Variants in FAM107A observed in about 807,000 individuals in gnomAD.
The protein encoded by FAM107A is actin-associated protein FAM107A.
Under a neutral mutation model 13.7 loss-of-function variants are expected in FAM107A, and 19 were observed. The observed-to-expected ratio is 1.38, with a 90% confidence interval of 0.97 to 2.03. FAM107A has a LOEUF of 2.03. Ranked by LOEUF, FAM107A falls within the 30% of genes most tolerant of loss-of-function variation. FAM107A has a pLI of 0.00. For synonymous variants in FAM107A, 82 were observed against 74.5 expected (o/e 1.10, Z -0.52); for missense variants, 203 against 184.4 (o/e 1.10, Z -0.58).
In FAM107A at chr3:58,626,003, C is replaced by T. The variant is rs531750680; in HGVS notation, c.-70+1413G>A. Among the ~76,000 whole-genome samples, 24 of 152,278 alleles carry T rather than the reference C, an allele frequency of 1.6e-4. No individual in the cohort carries two copies. In the South Asian group the frequency reaches 5.0e-3, roughly 32 times the overall value. On this transcript the variant is annotated intron_variant, in intron 1 of 3. Transcript: ENST00000465970. The stretch of plus-strand genomic sequence containing the variant: ...ACAGGCATCATCTTGTTGAACTTCC[C>T]ACGAAGCAGGTACCAGCCCCCCTTT...
intron 1 of FAM107A, among the ~76,000 whole-genome samples, chr3:58,611,156 C>T (rs1223880605): frequency 2.6e-5 from 4 of 152,246 alleles, no homozygotes; most frequent in Non-Finnish European, 5.9e-5. Flanking sequence ...CCTCCCCAGC[C>T]ATATGGAACT....
intron 1 of FAM107A, among the ~76,000 whole-genome samples, chr3:58,593,042 T>C (rs1440055662): frequency 6.6e-6 from 1 of 152,130 alleles, no homozygotes; most frequent in Non-Finnish European, 1.5e-5. Flanking sequence ...ACAACCTCGG[T>C]GGACCGGACC....
At chr3:58,578,610 A>G (rs1464436115), upstream of FAM107A, among the ~76,000 whole-genome samples, 2 of 152,190 alleles carry the variant, frequency 1.3e-5, no homozygotes, top group East Asian at 3.9e-4. Flanking sequence ...CAAGAAAAGT[A>G]AAAAATGTAT....
upstream of FAM107A, among the ~76,000 whole-genome samples, chr3:58,591,400 C>T (rs765341605): frequency 1.2e-4 from 18 of 152,080 alleles, no homozygotes; most frequent in Admixed American, 7.2e-4. The surrounding 1 kb of genome is among the most constrained non-coding windows in gnomAD (Gnocchi z 4.3). Context: ...GGGCTGTGCC[C>T]GGCATATTCA....
At chr3:58,606,746 A>T (rs1335240799) in intron 1 of FAM107A, among the ~76,000 whole-genome samples, 1 of 152,236 alleles carries the variant, frequency 6.6e-6, no homozygotes, top group Non-Finnish European at 1.5e-5. Context: ...TTTCTATCTG[A>T]ATTCCAGCCC....
chr3:58,620,406 C>G (rs775306988), intron 1 of FAM107A, among the ~76,000 whole-genome samples: 1 of 152,178 alleles, frequency 6.6e-6, no homozygotes, highest in Non-Finnish European at 1.5e-5. Context: ...ACAAGCTTGC[C>G]CTGTTCTTGT....
chr3:58,584,754 G>A (rs191641651), intron 1 of FAM107A, among the ~76,000 whole-genome samples: 1 of 152,260 alleles, frequency 6.6e-6, no homozygotes, highest in East Asian at 1.9e-4. Context: ...CCCAGTAAAT[G>A]ACTATATAAC....
At chr3:58,572,185 T>C (rs2063690773) in intron 1 of FAM107A, among the ~76,000 whole-genome samples, 1 of 151,866 alleles carries the variant, frequency 6.6e-6, no homozygotes. Flanking sequence ...ATTCCACACA[T>C]GTTCGAGTTC....
upstream of FAM107A, among the ~76,000 whole-genome samples, chr3:58,578,450 C>T (rs1009917193): frequency 2.0e-5 from 3 of 151,604 alleles, no homozygotes; most frequent in Admixed American, 6.6e-5. Context: ...CACCTGTAAT[C>T]CCAGCTACCT....
Position 58,566,642 on chromosome 3 carries a change from G to C in FAM107A, c.381C>G (p.Val127=), listed in dbSNP as rs372110203. The C allele has an allele frequency of 3.3e-4, 527 of 1,614,038 alleles. No individual in the cohort carries two copies. Among genetic ancestry groups the C allele is most frequent in the Admixed American group, 1.2e-3 (71 of 60,012 alleles). Residue 127 remains valine, a synonymous_variant, in exon 4 of 4, where the codon GTC becomes GTG. Transcript: ENST00000360997. Reference sequence around the variant, plus strand: ...TGGCAATTCTCCGCAGGTTTTCCCTGACTTTAATAAACTCGGGGGCGTGAT... The same window carrying C: ...TGGCAATTCTCCGCAGGTTTTCCCTCACTTTAATAAACTCGGGGGCGTGAT... ...EEDHAPEFIK[V]RENLRRIATL...
chr3:58,597,329 GGGGACACATTCA>G (rs1166399578), intron 1 of FAM107A, among the ~76,000 whole-genome samples: 2 of 152,164 alleles, frequency 1.3e-5, no homozygotes, highest in Non-Finnish European at 2.9e-5. Flanking sequence ...ATAGATTTTT[GGGGACACATTCA>G]GGTCACTCCC....
chr3:58,602,583 T>C (rs920498099), intron 1 of FAM107A, among the ~76,000 whole-genome samples: 1 of 152,236 alleles, frequency 6.6e-6, no homozygotes, highest in Non-Finnish European at 1.5e-5. Flanking sequence ...ATTGATTAAA[T>C]TGTACTATTT....
chr3:58,611,912 T>C (rs2065858450), intron 1 of FAM107A, among the ~76,000 whole-genome samples: 1 of 152,218 alleles, frequency 6.6e-6, no homozygotes, highest in Non-Finnish European at 1.5e-5. Flanking sequence ...CAAACTGCTC[T>C]GGGTGAGAAT....
At chr3:58,590,324 C>T (rs561474929), upstream of FAM107A, among the ~76,000 whole-genome samples, 2 of 152,180 alleles carry the variant, frequency 1.3e-5, no homozygotes, top group African/African-American at 4.8e-5. Flanking sequence ...CTTCCTGCAA[C>T]CCCACAGTTG....
chr3:58,600,323 A>G (rs1311730259), intron 1 of FAM107A, among the ~76,000 whole-genome samples: 1 of 152,216 alleles, frequency 6.6e-6, no homozygotes, highest in Non-Finnish European at 1.5e-5. Flanking sequence ...GCCCGAGGTC[A>G]TAAAATATCT....
At chr3:58,589,530 T>C (rs1282283155), upstream of FAM107A, among the ~76,000 whole-genome samples, 2 of 152,206 alleles carry the variant, frequency 1.3e-5, no homozygotes, top group Admixed American at 6.5e-5. Context: ...AAAACAGTTT[T>C]AGATTTAGGG....
At chr3:58,607,335 A>AGGGTGAG (rs1317035730) in intron 1 of FAM107A, among the ~76,000 whole-genome samples, 35 of 152,188 alleles carry the variant, frequency 2.3e-4, no homozygotes, top group Admixed American at 1.2e-3. Context: ...TTTCTCCTGG[A>AGGGTGAG]GGGTGAGGGT....
upstream of FAM107A, among the ~76,000 whole-genome samples, chr3:58,581,141 C>T (rs2065536636): frequency 6.6e-6 from 1 of 152,210 alleles, no homozygotes; most frequent in African/African-American, 2.4e-5. Context: ...AAGCCAGGGG[C>T]CTGGGGATCT....
At chr3:58,582,101 T>C (rs188892617), upstream of FAM107A, among the ~76,000 whole-genome samples, 78 of 152,330 alleles carry the variant, frequency 5.1e-4, 1 homozygote, top group African/African-American at 1.8e-3. Context: ...CTGAGCAAAC[T>C]TCATGATTCC....
Sources: gnomAD v4.1 joint callset for allele counts (sites outside exome capture counted in the v4.1 genomes callset) on GRCh38, gnomAD v4.1.1 for gene constraint, Gnocchi (gnomAD v3.1) non-coding constraint, MANE v1.5 for transcripts, NCBI Gene and HGNC (gene_info 2026-07-23, HGNC 2026-07-21) for gene names.